Variants in ABI3BP observed in about 807,000 individuals in gnomAD.
ABI3BP encodes the protein ABI family member 3 binding protein.
A neutral mutation model predicts 268.6 loss-of-function variants in ABI3BP; 216 were observed. That is an observed-to-expected ratio of 0.80 (90% CI 0.72 to 0.90). The LOEUF (loss-of-function observed/expected upper bound fraction) is 0.90, where lower values mean the gene tolerates loss of function less well. Among genes scored for constraint, ABI3BP ranks in the 40% least tolerant of loss-of-function variants. The pLI is 0.00. For missense variants in ABI3BP, 2,090 were observed against 2,182.4 expected, an observed-to-expected ratio of 0.96 and a Z score of 0.84; for synonymous variants, 730 against 730.0, an observed-to-expected ratio of 1.00 and a Z score of 0.00.
Position 100,837,190 on chromosome 3 carries a change from A to G in ABI3BP, c.2084-19T>C. On this transcript the variant is annotated intron_variant, in intron 26 of 67. Coordinates refer to ENST00000471714, the MANE Select transcript of ABI3BP (RefSeq NM_001375547.2). ...TCAGAGACTGCATCATAAAAAATAA[A>G]CAGATATAAGTAATAAAAGCAAGGA... 8 of 1,530,500 alleles carry G rather than the reference A, an allele frequency of 5.2e-6. No individual in the cohort carries two copies. The highest frequency in any genetic ancestry group is 7.0e-6 in the Non-Finnish European group (8 of 1,143,692). 94.8% of individuals were successfully genotyped at this position (1,530,500 alleles called of 1,614,324 possible). A position where few individuals can be genotyped will look rare whatever the true frequency, so the allele number is the denominator to read the frequency against.
chr3:100,844,003 A>G (rs2098739150), intron 20 of ABI3BP: 4 of 984,062 alleles, frequency 4.1e-6, no homozygotes, highest in South Asian at 9.4e-5. Flanking sequence ...TTAAGCTTCA[A>G]AGTCAATTGC....
intron 2 of ABI3BP, chr3:100,914,531 C>T: frequency 4.6e-6 from 2 of 431,070 alleles, no homozygotes; most frequent in Non-Finnish European, 9.3e-6. Flanking sequence ...CTGAAGGGAG[C>T]TCACAGCTCA....
chr3:100,940,786 CTATATATATATATATATATATATATA>C lies in ABI3BP; in HGVS notation c.80-14331_80-14306del, dbSNP rs1167503911. Reference sequence around the variant, plus strand: ...CTCATTTACAAAGGAAATTACTTCACTATATATATATATATATATATATATATATATATATATATATATATGATATG... The same window carrying C: ...CTCATTTACAAAGGAAATTACTTCACTATATATATATATATATATGATATG... On this transcript the variant is annotated intron_variant, in intron 1 of 67. Transcript: ENST00000471714. Among the ~76,000 whole-genome samples the C allele has an allele frequency of 3.0e-3, 30 of 10,144 alleles. 2 individuals carry two copies. Among genetic ancestry groups the C allele is most frequent in the East Asian group, 0.014 (5 of 350 alleles). 6.7% of individuals were successfully genotyped at this position (10,144 alleles called of 152,430 possible).
At chr3:100,968,050 G>C (rs1476822378) in intron 1 of ABI3BP, among the ~76,000 whole-genome samples, 2 of 152,276 alleles carry the variant, frequency 1.3e-5, no homozygotes, top group East Asian at 3.9e-4. Context: ...TGATATTAGA[G>C]GACACAGGCA....
At chr3:100,894,767 A>G (rs35645067) in intron 4 of ABI3BP, among the ~76,000 whole-genome samples, 48 of 151,554 alleles carry the variant, frequency 3.2e-4, no homozygotes, top group South Asian at 1.9e-3. Context: ...GTGAAACCCC[A>G]CCTGTACTAA....
In ABI3BP at chr3:100,961,583, T is replaced by C. The variant is rs146202003; in HGVS notation, c.79+31723A>G. The stretch of plus-strand genomic sequence containing the variant: ...AGCTACATCAAGTTATGAACCCAGA[T>C]CCAGATATTATTACTGCTACTATGA... On this transcript the variant is annotated intron_variant, in intron 1 of 67. Transcript: ENST00000471714. Among the ~76,000 whole-genome samples the C allele has an allele frequency of 2.0e-5, 3 of 152,280 alleles. No homozygotes were observed. The East Asian group carries it at 5.8e-4, about 29-fold the overall frequency.
intron 2 of ABI3BP, among the ~76,000 whole-genome samples, chr3:100,910,481 C>A (rs779901814): frequency 6.6e-6 from 1 of 151,824 alleles, no homozygotes; most frequent in Non-Finnish European, 1.5e-5. Flanking sequence ...AATTTTCATA[C>A]AAATTTCTTT....
chr3:100,807,968 A>G (rs933397706), intron 50 of ABI3BP, among the ~76,000 whole-genome samples, 193 bp downstream of exon 50: 2 of 152,008 alleles, frequency 1.3e-5, no homozygotes, highest in African/African-American at 2.4e-5. Context: ...AGCTTTGTGG[A>G]ATAAGCTCTT....
chr3:100,803,722 A>G (rs1055048945), intron 51 of ABI3BP, among the ~76,000 whole-genome samples: 2 of 152,204 alleles, frequency 1.3e-5, no homozygotes, highest in African/African-American at 4.8e-5. Flanking sequence ...AAATAAGCTG[A>G]TCTTTTGCAA....
At chr3:100,937,590 A>G (rs759787110) in intron 1 of ABI3BP, among the ~76,000 whole-genome samples, 16 of 152,056 alleles carry the variant, frequency 1.1e-4, no homozygotes, top group Non-Finnish European at 1.6e-4. Flanking sequence ...ACCACCCTAT[A>G]CAGACTCTCC....
chr3:100,765,330 A>G (rs1348053655), intron 63 of ABI3BP, among the ~76,000 whole-genome samples: 1 of 152,228 alleles, frequency 6.6e-6, no homozygotes, highest in Non-Finnish European at 1.5e-5. Context: ...AACTCTTGTC[A>G]AAACCCTATT....
At chr3:100,817,664 C>T (rs1041137811) in intron 41 of ABI3BP, among the ~76,000 whole-genome samples, 169 bp from the exon 42 acceptor site, 1 of 152,182 alleles carries the variant, frequency 6.6e-6, no homozygotes, top group Non-Finnish European at 1.5e-5. Context: ...GACAGCATTG[C>T]ACTCAGCTTA....
At chr3:100,866,783 C>T (rs1484772205) in intron 10 of ABI3BP, 96 bp downstream of exon 10, 1 of 1,003,086 alleles carries the variant, frequency 1.0e-6, no homozygotes, top group African/African-American at 1.6e-5. Flanking sequence ...AAATGTATTT[C>T]CTACTGGCTC....
intron 1 of ABI3BP, among the ~76,000 whole-genome samples, chr3:100,953,180 A>G (rs1584739359): frequency 6.6e-6 from 1 of 152,192 alleles, no homozygotes; most frequent in African/African-American, 2.4e-5. Context: ...GCTTGGCCTG[A>G]AAAGACCAGC....
intron 2 of ABI3BP, among the ~76,000 whole-genome samples, chr3:100,925,680 C>A (rs988781836): frequency 6.6e-6 from 1 of 151,920 alleles, no homozygotes; most frequent in African/African-American, 2.4e-5. Context: ...TCCCAAAGTG[C>A]TGTGATTACA....
chr3:100,863,593 G>A, intron 12 of ABI3BP: 1 of 174,200 alleles, frequency 5.7e-6, no homozygotes, highest in Non-Finnish European at 1.2e-5. Context: ...TGGGCTTACA[G>A]GCATGAGCCG....
Position 100,795,925 on chromosome 3 carries a change from T to C in ABI3BP, c.3818-74A>G. 6 of 1,039,082 alleles carry C rather than the reference T, an allele frequency of 5.8e-6. No homozygotes were observed. In the South Asian group the frequency reaches 6.0e-5, roughly 10 times the overall value. 64.4% of individuals were successfully genotyped at this position (1,039,082 alleles called of 1,614,324 possible). A position where few individuals can be genotyped will look rare whatever the true frequency, so the allele number is the denominator to read the frequency against. On this transcript the variant is annotated intron_variant, in intron 52 of 67. Transcript: ENST00000471714. The stretch of plus-strand genomic sequence containing the variant: ...GGCAAAGTCAAAATAGTTTCCTTAT[T>C]TTTTAGATGCATTGATTTAATAATT...
intron 4 of ABI3BP, among the ~76,000 whole-genome samples, chr3:100,897,231 T>C (rs1165656843): frequency 6.6e-6 from 1 of 152,056 alleles, no homozygotes; most frequent in South Asian, 2.1e-4. Flanking sequence ...CAATCAGAGC[T>C]CTCCTACATT....
chr3:100,811,294 G>A lies in ABI3BP; in HGVS notation c.3494-17C>T, dbSNP rs1354830161. Reference sequence around the variant, plus strand: ...ATTCCACAACTGTACCAAAACAAAGGAGAAAAATTTTAGAAACTGTAAGAT... The same window carrying A: ...ATTCCACAACTGTACCAAAACAAAGAAGAAAAATTTTAGAAACTGTAAGAT... On this transcript the variant is annotated splice_polypyrimidine_tract_variant and intron_variant, in intron 47 of 67. Coordinates refer to ENST00000471714, the MANE Select transcript of ABI3BP (RefSeq NM_001375547.2). 9 of 1,524,142 alleles carry A rather than the reference G, an allele frequency of 5.9e-6. No individual in the cohort carries two copies. The highest frequency in any genetic ancestry group is 7.9e-6 in the Non-Finnish European group (9 of 1,141,676). 94.4% of individuals were successfully genotyped at this position (1,524,142 alleles called of 1,614,324 possible). A position where few individuals can be genotyped will look rare whatever the true frequency, so the allele number is the denominator to read the frequency against.
Sources: allele counts gnomAD v4.1 joint callset (sites outside exome capture counted in the v4.1 genomes callset), GRCh38; gene constraint gnomAD v4.1.1; transcripts MANE v1.5; gene names NCBI Gene and HGNC (gene_info 2026-07-23, HGNC 2026-07-21).